KCTD2: variants seen among roughly 807,000 people sequenced by gnomAD.
KCTD2 encodes the protein BTB/POZ domain-containing protein KCTD2.
A neutral mutation model predicts 27.9 loss-of-function variants in KCTD2; 18 were observed. That is an observed-to-expected ratio of 0.64 (90% CI 0.45 to 0.96). The LOEUF (loss-of-function observed/expected upper bound fraction) is 0.96, where lower values mean the gene tolerates loss of function less well. Among genes scored for constraint, KCTD2 ranks in the 40% least tolerant of loss-of-function variants. The probability of loss-of-function intolerance (pLI) is 0.00; values close to 1 mark genes in which losing one functional copy is unlikely to be tolerated. For missense variants in KCTD2, 280 were observed against 348.0 expected, an observed-to-expected ratio of 0.80 and a Z score of 1.56; for synonymous variants, 175 against 148.4, an observed-to-expected ratio of 1.18 and a Z score of -1.30.
chr17:75,036,028 G>C (rs1389171697), intron 3 of KCTD2: 4 of 454,376 alleles, frequency 8.8e-6, no homozygotes, highest in South Asian at 4.7e-5. Context: ...CTTGGACATA[G>C]GGGAGAATAA....
At chr17:75,035,273 G>GGAT (rs2040105695) in exon 3 of KCTD2, 1 of 152,066 alleles carries the variant, frequency 6.6e-6, no homozygotes, top group African/African-American at 2.4e-5. Context: ...GCGGCTCCCG[G>GGAT]GATCCGAAGC....
At chr17:75,042,705 T>C (rs2073173389), upstream of KCTD2, 2 of 1,556,372 alleles carry the variant, frequency 1.3e-6, no homozygotes, top group Middle Eastern at 1.7e-4. Context: ...ATGAGGTGAA[T>C]TTTCAGTTGG....
chr17:75,040,157 C>T (rs780902615), intron 3 of KCTD2: 100 of 1,611,370 alleles, frequency 6.2e-5, no homozygotes, highest in South Asian at 5.6e-4. Context: ...ACCTTCAGCG[C>T]ATTAAACTAC....
At chr17:75,059,961 T>C (rs2073386959) in intron 4 of KCTD2, among the ~76,000 whole-genome samples, 1 of 152,212 alleles carries the variant, frequency 6.6e-6, no homozygotes, top group African/African-American at 2.4e-5. Context: ...TTCCATTTCT[T>C]TTCCCAGGGT....
upstream of KCTD2, chr17:75,047,022 G>C (rs1038535587): frequency 1.3e-5 from 3 of 235,946 alleles, no homozygotes; most frequent in African/African-American, 6.9e-5. Flanking sequence ...CAAGGGGGTG[G>C]GCCTTGCTTC....
chr17:75,052,875 C>G (rs776810180), intron 2 of KCTD2, 139 bp from the exon 3 acceptor site: 31 of 665,532 alleles, frequency 4.7e-5, no homozygotes, highest in Non-Finnish European at 7.2e-5. Flanking sequence ...GCCTGGGCGA[C>G]AGAGTAAGAC....
chr17:75,036,901 G>A (rs2073106979), intron 3 of KCTD2, among the ~76,000 whole-genome samples: 1 of 152,124 alleles, frequency 6.6e-6, no homozygotes, highest in Non-Finnish European at 1.5e-5. Flanking sequence ...GGGGGGAGTA[G>A]ACTCCGCCCC....
At chr17:75,040,779 G>A (rs538844795) in intron 3 of KCTD2, 1 of 152,338 alleles carries the variant, frequency 6.6e-6, no homozygotes, top group South Asian at 2.1e-4. Flanking sequence ...CCAGCTACAT[G>A]GGAGGCTGAG....
chr17:75,043,207 C>G (rs1210086506), upstream of KCTD2, among the ~76,000 whole-genome samples: 1 of 152,144 alleles, frequency 6.6e-6, no homozygotes, highest in Non-Finnish European at 1.5e-5. Context: ...GGCAACACAG[C>G]AAGAGTCCGT....
chr17:75,039,876 A>G (rs1247365128), intron 3 of KCTD2: 2 of 578,452 alleles, frequency 3.5e-6, no homozygotes, highest in Non-Finnish European at 6.1e-6. Context: ...TCTTACAAAG[A>G]TGGAATCATA....
intron 3 of KCTD2, chr17:75,040,119 G>T (rs1336699343): frequency 6.2e-7 from 1 of 1,612,656 alleles, no homozygotes; most frequent in East Asian, 2.2e-5. Flanking sequence ...CATCCACCTG[G>T]GCAGTATATT....
intron 2 of KCTD2, among the ~76,000 whole-genome samples, chr17:75,049,932 A>G (rs1441850013): frequency 6.6e-6 from 1 of 152,218 alleles, no homozygotes; most frequent in Non-Finnish European, 1.5e-5. Context: ...GAAGGCATTC[A>G]GTTGTAAAGG....
At chr17:75,055,913 C>T (rs112276578) in intron 3 of KCTD2, among the ~76,000 whole-genome samples, 14,232 of 151,732 alleles carry the variant, frequency 0.094, 1,448 homozygotes, top group East Asian at 0.61. Flanking sequence ...CGCCTATAAT[C>T]CCAGCTACTT....
At chr17:75,034,750 T>A (rs1416702727) in intron 2 of KCTD2, among the ~76,000 whole-genome samples, 1 of 151,356 alleles carries the variant, frequency 6.6e-6, no homozygotes, top group African/African-American at 2.4e-5. Flanking sequence ...CAGAGGCCGG[T>A]GGAGCATAGC....
chr17:75,047,759 T>C (rs1289214581), intron 1 of KCTD2, among the ~76,000 whole-genome samples, 170 bp downstream of exon 1: 1 of 148,892 alleles, frequency 6.7e-6, no homozygotes, highest in Non-Finnish European at 1.5e-5. Flanking sequence ...GACCTCCCAC[T>C]CCCCTTCTTC....
At chr17:75,058,227 T>C (rs368173464) in intron 3 of KCTD2, among the ~76,000 whole-genome samples, 4 of 151,304 alleles carry the variant, frequency 2.6e-5, no homozygotes, top group African/African-American at 7.3e-5. Flanking sequence ...AAGAGGCTGC[T>C]GAAGCAGGAG....
intron 1 of KCTD2, chr17:75,033,093 T>G (rs959983525): frequency 6.6e-5 from 10 of 152,228 alleles, no homozygotes; most frequent in African/African-American, 2.4e-4. Flanking sequence ...TGTTAAATCC[T>G]TCGGATGTGA....
chr17:75,033,847 T>C (rs2040086761), intron 1 of KCTD2, among the ~76,000 whole-genome samples: 1 of 152,206 alleles, frequency 6.6e-6, no homozygotes, highest in African/African-American at 2.4e-5. Flanking sequence ...TCAGGCCTTC[T>C]CTAGGAAAAG....
intron 3 of KCTD2, chr17:75,038,877 T>G: frequency 1.9e-6 from 3 of 1,553,374 alleles, no homozygotes; most frequent in Non-Finnish European, 2.6e-6. Context: ...TAATTATTAT[T>G]TTTAATGTCC....
Sources: gnomAD v4.1 joint callset for allele counts (sites outside exome capture counted in the v4.1 genomes callset) on GRCh38, gnomAD v4.1.1 for gene constraint, MANE v1.5 for transcripts, NCBI Gene and HGNC (gene_info 2026-07-23, HGNC 2026-07-21) for gene names.